The following SKIC3 variants were observed in gnomAD, a reference collection of about 807,000 sequenced individuals.
SKIC3 encodes superkiller complex protein 3.
At chr5:95,528,120 C>T in the SKIC3 span, 72 of 1,613,664 alleles carry the variant, frequency 4.5e-5, no homozygotes, top group Non-Finnish European at 5.6e-5. Flanking sequence ...AGACTGTTAC[C>T]AGACGCACCA....
chr5:95,474,465 T>C, the SKIC3 span, among the ~76,000 whole-genome samples: 1 of 152,180 alleles, frequency 6.6e-6, no homozygotes, highest in Non-Finnish European at 1.5e-5. Flanking sequence ...TGCTTCTAGC[T>C]CGTAACATTT....
the SKIC3 span, chr5:95,495,058 C>A: frequency 1.2e-6 from 2 of 1,602,768 alleles, no homozygotes; most frequent in Middle Eastern, 1.7e-4. Context: ...AATGCAGAAA[C>A]TTTCATGAAA....
At chr5:95,486,092 G>A in the SKIC3 span, among the ~76,000 whole-genome samples, 1 of 152,172 alleles carries the variant, frequency 6.6e-6, no homozygotes, top group Non-Finnish European at 1.5e-5. Flanking sequence ...AATGGCATTG[G>A]TCCAAAGTGG....
At chr5:95,480,794 G>A in the SKIC3 span, among the ~76,000 whole-genome samples, 1 of 152,042 alleles carries the variant, frequency 6.6e-6, no homozygotes, top group Non-Finnish European at 1.5e-5. Context: ...AAAATGAAAT[G>A]AAAAAAATTA....
the SKIC3 span, among the ~76,000 whole-genome samples, chr5:95,507,256 A>G: frequency 6.6e-6 from 1 of 152,210 alleles, no homozygotes; most frequent in African/African-American, 2.4e-5. Context: ...ATGACATTTG[A>G]GTTCTAAATA....
chr5:95,534,478 C>T, the SKIC3 span, among the ~76,000 whole-genome samples: 1 of 152,062 alleles, frequency 6.6e-6, no homozygotes, highest in East Asian at 1.9e-4. Context: ...CTGCTTTTTC[C>T]TATTCTTTCC....
the SKIC3 span, among the ~76,000 whole-genome samples, chr5:95,537,502 C>G: frequency 6.6e-6 from 1 of 152,200 alleles, no homozygotes; most frequent in Non-Finnish European, 1.5e-5. Context: ...TCTGAAATCA[C>G]TAGCACGTTC....
chr5:95,515,425 A>T, the SKIC3 span, among the ~76,000 whole-genome samples: 2 of 152,148 alleles, frequency 1.3e-5, no homozygotes, highest in Non-Finnish European at 2.9e-5. Context: ...TGGACACATT[A>T]ACTTGGATGC....
chr5:95,550,417 T>C, the SKIC3 span, among the ~76,000 whole-genome samples: 4 of 149,652 alleles, frequency 2.7e-5, no homozygotes, highest in African/African-American at 9.9e-5. Flanking sequence ...AAAAACGATA[T>C]CTTTAAATCT....
At chr5:95,482,759 C>T in the SKIC3 span, 1 of 922,438 alleles carries the variant, frequency 1.1e-6, no homozygotes. Context: ...AAAGAGAAAA[C>T]AACTGCAAAT....
chr5:95,469,898 T>C, the SKIC3 span: 1 of 1,614,064 alleles, frequency 6.2e-7, no homozygotes, highest in Non-Finnish European at 8.5e-7. Context: ...CAGTGATCAT[T>C]GGAAATGTTA....
At chr5:95,468,308 G>C in the SKIC3 span, among the ~76,000 whole-genome samples, 1 of 152,102 alleles carries the variant, frequency 6.6e-6, no homozygotes, top group Admixed American at 6.5e-5. Flanking sequence ...AGAACAGAGA[G>C]ACAGTCGCTA....
the SKIC3 span, chr5:95,509,799 A>G: frequency 8.0e-6 from 6 of 747,470 alleles, no homozygotes; most frequent in Non-Finnish European, 1.4e-5. Flanking sequence ...GAGATCACTC[A>G]CACTGTTAAG....
the SKIC3 span, among the ~76,000 whole-genome samples, chr5:95,465,493 G>C: frequency 6.6e-6 from 1 of 151,998 alleles, no homozygotes; most frequent in Non-Finnish European, 1.5e-5. Context: ...ACATTTTTTG[G>C]TTGTTCATTG....
chr5:95,528,110 A>G, the SKIC3 span: 1 of 1,613,866 alleles, frequency 6.2e-7, no homozygotes, highest in Non-Finnish European at 8.5e-7. Flanking sequence ...CCTCTGATAA[A>G]GACTGTTACC....
chr5:95,542,945 T>C, the SKIC3 span, among the ~76,000 whole-genome samples: 2 of 152,170 alleles, frequency 1.3e-5, no homozygotes, highest in African/African-American at 4.8e-5. Context: ...AGATTTATAT[T>C]TGAGTGCTCA....
the SKIC3 span, among the ~76,000 whole-genome samples, chr5:95,467,338 T>A: frequency 2.2e-3 from 333 of 152,302 alleles, no homozygotes; most frequent in Non-Finnish European, 3.6e-3. Context: ...TTGTCACCTC[T>A]GGTTAGTATC....
the SKIC3 span, among the ~76,000 whole-genome samples, chr5:95,546,369 A>T: frequency 6.6e-6 from 1 of 151,662 alleles, no homozygotes; most frequent in Non-Finnish European, 1.5e-5. Context: ...AAAAACAAAG[A>T]AAGAAACTAT....
At chr5:95,536,848 T>G in the SKIC3 span, 9 of 1,613,660 alleles carry the variant, frequency 5.6e-6, no homozygotes, top group Non-Finnish European at 7.6e-6. Flanking sequence ...AAAGCACTTC[T>G]AATGGATACT....
Sources: allele counts gnomAD v4.1 joint callset (sites outside exome capture counted in the v4.1 genomes callset), GRCh38; gene constraint gnomAD v4.1.1; transcripts MANE v1.5; gene names NCBI Gene and HGNC (gene_info 2026-07-23, HGNC 2026-07-21).